The following ANKRD35 variants were observed in gnomAD, a reference collection of about 807,000 sequenced individuals.
ANKRD35 encodes the protein ankyrin repeat domain 35.
In ANKRD35, 102 loss-of-function variants were observed where a neutral mutation model predicts 109.9. That is an observed-to-expected ratio of 0.93 (90% confidence interval 0.79 to 1.09). The LOEUF (loss-of-function observed/expected upper bound fraction) is 1.09. ANKRD35 is among the 50% of genes least tolerant of loss of function. The pLI is 0.00. For synonymous variants in ANKRD35, 515 were observed against 512.4 expected, an observed-to-expected ratio of 1.01 and a Z score of -0.07; for missense variants, 1,240 against 1,230.1, an observed-to-expected ratio of 1.01 and a Z score of -0.12.
At chr1:145,868,089 C>T (rs1653671788) in intron 11 of ANKRD35, 33 bp from the exon 12 acceptor site, 1 of 1,606,062 alleles carries the variant, frequency 6.2e-7, no homozygotes, top group African/African-American at 1.3e-5. Flanking sequence ...AGTCACATGT[C>T]CACCCTCAGT....
chr1:145,881,958 T>G (rs1168820100), intron 1 of ANKRD35, among the ~76,000 whole-genome samples: 1 of 144,066 alleles, frequency 6.9e-6, no homozygotes, highest in Non-Finnish European at 1.5e-5. Flanking sequence ...TCTTTTTTTT[T>G]TTTTTTTTTT....
intron 10 of ANKRD35, among the ~76,000 whole-genome samples, chr1:145,871,656 T>C (rs1032685524): frequency 2.0e-5 from 3 of 152,182 alleles, no homozygotes; most frequent in African/African-American, 7.2e-5. Flanking sequence ...CTTCCCAGGC[T>C]AATATGCAAT....
At chr1:145,878,332 CG>C (rs1372236973) in intron 3 of ANKRD35, 58 bp downstream of exon 3, 20 of 1,500,762 alleles carry the variant, frequency 1.3e-5, no homozygotes, top group South Asian at 4.8e-5. Context: ...GCACCGCCCC[CG>C]ACTGCTGCTG....
At chr1:145,881,668 G>T (rs1158514213) in intron 1 of ANKRD35, among the ~76,000 whole-genome samples, 1 of 152,124 alleles carries the variant, frequency 6.6e-6, no homozygotes, top group Admixed American at 6.5e-5. Flanking sequence ...TTCAAGTCTT[G>T]ACTCTAACAC....
chr1:145,884,634 TTA>T (rs1184296574), intron 1 of ANKRD35, among the ~76,000 whole-genome samples: 25 of 150,788 alleles, frequency 1.7e-4, no homozygotes, highest in Non-Finnish European at 3.5e-4. Flanking sequence ...TTCTATAATC[TTA>T]TGTTTTTTTT....
intron 1 of ANKRD35, among the ~76,000 whole-genome samples, chr1:145,882,401 T>C (rs1349667796): frequency 6.0e-5 from 9 of 149,570 alleles, no homozygotes; most frequent in Non-Finnish European, 8.9e-5. Flanking sequence ...GCTCAGGTGA[T>C]CCTCCCACCT....
At chr1:145,882,360 G>T (rs1654324214) in intron 1 of ANKRD35, among the ~76,000 whole-genome samples, 1 of 134,722 alleles carries the variant, frequency 7.4e-6, no homozygotes. Context: ...GCAGTGGCAT[G>T]ATCATGGCTC....
chr1:145,880,909 T>C (rs1279221168), intron 1 of ANKRD35, among the ~76,000 whole-genome samples: 3 of 152,168 alleles, frequency 2.0e-5, no homozygotes, highest in African/African-American at 7.2e-5. Flanking sequence ...TATTATTCCA[T>C]CTCTTTGACA....
chr1:145,872,147 C>T lies in ANKRD35; in HGVS notation c.2622G>A (p.Val874=), dbSNP rs781881505. Residue 874 remains valine (V), a synonymous_variant, in exon 10 of 14, where the codon GTG becomes GTA. Transcript: ENST00000355594. ...CCCCGCTCCGGCGGCGCTCCTCGGCCACCGCCTCCCGCAGCCGACCCACTT... is the reference window on the plus strand; with the variant it reads ...CCCCGCTCCGGCGGCGCTCCTCGGCTACCGCCTCCCGCAGCCGACCCACTT... The part of the protein sequence containing the change: ...CREVGRLREA[V]AEERRRSGDL... 1.3e-4 allele frequency: 202 copies of T among 1,609,280 alleles called. No individual in the cohort carries two copies. The highest frequency in any genetic ancestry group is 1.5e-4 in the Non-Finnish European group (178 of 1,178,112).
chr1:145,867,368 T>C lies in ANKRD35; in HGVS notation c.2968A>G (p.Asn990Asp), dbSNP rs1163644596. Residue 990 changes from asparagine to aspartate, a missense_variant, in exon 13 of 14, where the codon AAT becomes GAT. Transcript: ENST00000355594. ...ARGYMEHEVY[N>D]ILLQILSMEE... is the part of the protein sequence containing the mutation. Reference sequence around the variant, plus strand: ...ATGCTAAGGATTTGCAGCAGGATATTGTACACTTCATGTTCCATGTAACCC... The same window carrying C: ...ATGCTAAGGATTTGCAGCAGGATATCGTACACTTCATGTTCCATGTAACCC... 2.2e-5 allele frequency: 35 copies of C among 1,613,858 alleles called. No homozygotes were observed. Among genetic ancestry groups the C allele is most frequent in the Non-Finnish European group, 2.8e-5 (33 of 1,179,968 alleles).
chr1:145,870,232 C>G (rs1490161816), intron 10 of ANKRD35, among the ~76,000 whole-genome samples: 1 of 151,468 alleles, frequency 6.6e-6, no homozygotes, highest in Non-Finnish European at 1.5e-5. Context: ...GCTGGGAGTA[C>G]AGGCGCCCAC....
Position 145,885,859 on chromosome 1 carries a change from C to A in ANKRD35, c.-101G>T, listed in dbSNP as rs1654457572. On this transcript the variant is annotated 5_prime_UTR_variant, in exon 1 of 14. Coordinates refer to ENST00000355594, the MANE Select transcript of ANKRD35 (RefSeq NM_144698.5). ...CTGCGGCTGTGCAAGAGACAGCTGT[C>A]AAAAAGCAGAGCGGGCCCCGCCCCA... 2.2e-6 allele frequency: 2 copies of A among 917,582 alleles called. No individual in the cohort carries two copies. The highest frequency in any genetic ancestry group is 1.4e-5 in the South Asian group (1 of 73,422). The allele number at this position is 917,582 out of a possible 1,614,324, so 56.8% of individuals were successfully genotyped here.
At chr1:145,874,103 G>A (rs1369961962) in intron 9 of ANKRD35, 52 bp downstream of exon 9, 6 of 1,611,672 alleles carry the variant, frequency 3.7e-6, no homozygotes, top group East Asian at 2.2e-5. Context: ...AGTCACAGTG[G>A]GATAGCCTGG....
chr1:145,867,379 T>C lies in ANKRD35; in HGVS notation c.2957A>G (p.His986Arg). The C allele has an allele frequency of 6.2e-7, 1 of 1,613,946 alleles. No individual in the cohort carries two copies. Among genetic ancestry groups the C allele is most frequent in the Non-Finnish European group, 8.5e-7 (1 of 1,179,912 alleles). Residue 986 changes from histidine (H) to arginine (R), a missense_variant, in exon 13 of 14, where the codon CAT (histidine) becomes CGT (arginine). His to Arg is a conservative substitution (Grantham distance 29). Transcript: ENST00000355594. ...TTGCAGCAGGATATTGTACACTTCATGTTCCATGTAACCCTGTAGATGTCA... is the reference window on the plus strand; with the variant it reads ...TTGCAGCAGGATATTGTACACTTCACGTTCCATGTAACCCTGTAGATGTCA... ...LLNAARGYME[H>R]EVYNILLQIL...
At position 145,873,852 on chromosome 1, in the gene ANKRD35, C is replaced by G; in HGVS notation, c.917G>C (p.Arg306Pro). 6.2e-7 allele frequency: 1 copy of G among 1,612,948 alleles called. No individual in the cohort carries two copies. The highest frequency in any genetic ancestry group is 8.5e-7 in the Non-Finnish European group (1 of 1,179,458). ...CTGCTCCAGCCGAACAACTTTCCTC[C>G]GCTCCTCTTCATACTTCCACCTCCA... ...EEWRWKYEEE[R>P]RKVVRLEQEL... Residue 306 changes from arginine (R) to proline (P), a missense_variant, in exon 10 of 14, where the codon CGG becomes CCG. Coordinates refer to ENST00000355594, the MANE Select transcript of ANKRD35 (RefSeq NM_144698.5).
At chr1:145,870,144 G>T (rs1653757326) in intron 10 of ANKRD35, among the ~76,000 whole-genome samples, 1 of 147,724 alleles carries the variant, frequency 6.8e-6, no homozygotes, top group Non-Finnish European at 1.5e-5. Context: ...AGGCTGGAGT[G>T]CAGTGGCGCG....
intron 10 of ANKRD35, among the ~76,000 whole-genome samples, chr1:145,870,854 G>T (rs10752825): frequency 0.47 from 70,964 of 151,798 alleles, 17,003 homozygotes; most frequent in East Asian, 0.71. Context: ...TGGGAGCTGG[G>T]ATTACAGGCA....
chr1:145,873,668 A>G lies in ANKRD35; in HGVS notation c.1101T>C (p.Asp367=). The G allele has an allele frequency of 6.2e-7, 1 of 1,614,058 alleles. No individual in the cohort carries two copies. Residue 367 remains aspartate (D), a synonymous_variant, in exon 10 of 14, where the codon GAT becomes GAC. Coordinates refer to ENST00000355594, the MANE Select transcript of ANKRD35 (RefSeq NM_144698.5). The part of the protein sequence containing the change: ...KQGSSLRPGG[D]GMEQGCPKDL... Reference sequence around the variant, plus strand: ...CCTTAGGACAACCCTGCTCCATGCCATCCCCTCCAGGCCGGAGACTAGAGC... The same window carrying G: ...CCTTAGGACAACCCTGCTCCATGCCGTCCCCTCCAGGCCGGAGACTAGAGC...
intron 13 of ANKRD35, among the ~76,000 whole-genome samples, chr1:145,867,062 C>G (rs1553737839): frequency 1.3e-5 from 2 of 152,152 alleles, no homozygotes; most frequent in Non-Finnish European, 2.9e-5. Context: ...TTTTCAGTCT[C>G]CATCTCATAA....
Sources: gnomAD v4.1 joint callset for allele counts (sites outside exome capture counted in the v4.1 genomes callset) on GRCh38, gnomAD v4.1.1 for gene constraint, MANE v1.5 for transcripts, NCBI Gene and HGNC (gene_info 2026-07-23, HGNC 2026-07-21) for gene names.